The following GPRIN3 variants were observed in gnomAD, a reference collection of about 807,000 sequenced individuals.
GPRIN3 encodes G protein-regulated inducer of neurite outgrowth 3.
Under a neutral mutation model 13.7 loss-of-function variants are expected in GPRIN3, and 12 were observed. That is an observed-to-expected ratio of 0.87 (90% confidence interval 0.56 to 1.42). GPRIN3 has a LOEUF of 1.42. Ranked by LOEUF, GPRIN3 falls within the 40% of genes most tolerant of loss-of-function variation. The pLI, the probability that GPRIN3 is intolerant of heterozygous loss-of-function variation, is 0.00. For missense variants in GPRIN3, 1,009 were observed against 958.7 expected, an observed-to-expected ratio of 1.05 and a Z score of -0.69; for synonymous variants, 377 against 372.7, an observed-to-expected ratio of 1.01 and a Z score of -0.13.
rs1335863881 is a variant in GPRIN3 at position 89,240,340 on chromosome 4, A to T, written c.*7440T>A. 6.6e-6 allele frequency: 1 copy of T among 152,068 alleles called. No individual in the cohort carries two copies. The highest frequency in any genetic ancestry group is 1.5e-5 in the Non-Finnish European group (1 of 68,012). 9.4% of individuals were successfully genotyped at this position (152,068 alleles called of 1,614,324 possible). A position where few individuals can be genotyped will look rare whatever the true frequency, so the allele number is the denominator to read the frequency against. Reference sequence around the variant, plus strand: ...GCTCATATCCTATTATCTCACCAACATCATCTGCAATTTTTTTTCATTTAA... The same window carrying T: ...GCTCATATCCTATTATCTCACCAACTTCATCTGCAATTTTTTTTCATTTAA... On this transcript the variant is annotated 3_prime_UTR_variant, in exon 2 of 2. Transcript: ENST00000609438.
chr4:89,250,653 A>G (rs1723302885), intron 1 of GPRIN3: 1 of 152,240 alleles, frequency 6.6e-6, no homozygotes, highest in Admixed American at 6.5e-5. Flanking sequence ...TAAGAAATCT[A>G]GGGATAGATC....
At chr4:89,287,182 A>C (rs1724446079) in intron 1 of GPRIN3, among the ~76,000 whole-genome samples, 1 of 152,190 alleles carries the variant, frequency 6.6e-6, no homozygotes, top group African/African-American at 2.4e-5. Flanking sequence ...TCCAAAACTA[A>C]ATATTTCAGG....
intron 1 of GPRIN3, among the ~76,000 whole-genome samples, chr4:89,296,280 G>T (rs1487523216): frequency 1.3e-5 from 2 of 152,030 alleles, no homozygotes; most frequent in African/African-American, 4.8e-5. Context: ...AAAATCAATT[G>T]CTAATTAAGG....
intron 1 of GPRIN3, among the ~76,000 whole-genome samples, chr4:89,258,687 G>GGTC (rs1228683074): frequency 1.3e-5 from 2 of 152,162 alleles, no homozygotes; most frequent in Non-Finnish European, 2.9e-5. Flanking sequence ...CTCACATGAG[G>GGTC]GTCGTATGAC....
rs192375595 is a variant in GPRIN3, at chr4:89,267,072, C to G, written c.-123-16839G>C. 1.7e-4 allele frequency among the ~76,000 whole-genome samples: 26 copies of G among 152,216 alleles called. 1 individual carries two copies. Among genetic ancestry groups the G allele is most frequent in the Admixed American group, 1.6e-3 (25 of 15,276 alleles). Reference sequence around the variant, plus strand: ...GTGGGGTTATGGGTGATTTTTAAAACTATTCTTTTGTATTTGAAAAACTCT... The same window carrying G: ...GTGGGGTTATGGGTGATTTTTAAAAGTATTCTTTTGTATTTGAAAAACTCT... On this transcript the variant is annotated intron_variant, in intron 1 of 1. Coordinates refer to ENST00000609438, the MANE Select transcript of GPRIN3 (RefSeq NM_198281.3).
chr4:89,271,891 T>A (rs1723961504), intron 1 of GPRIN3, among the ~76,000 whole-genome samples: 1 of 152,150 alleles, frequency 6.6e-6, no homozygotes, highest in Non-Finnish European at 1.5e-5. Flanking sequence ...TGATGATTAT[T>A]TGGAGGTGGG....
chr4:89,249,956 G>T lies in GPRIN3; in HGVS notation c.155C>A (p.Ala52Glu), dbSNP rs144483987. The change falls in exon 2 of 2, where the codon GCA (alanine) becomes GAA (glutamate). Residue 52 changes from alanine to glutamate, a missense_variant. Physicochemically the swap from Ala to Glu is moderately radical, Grantham distance 107 (BLOSUM62 -1). Coordinates refer to ENST00000609438, the MANE Select transcript of GPRIN3 (RefSeq NM_198281.3). ...TGCCCTGGGGCTGAGGTCTGGTTCT[G>T]CAGGGGCACCTGAAAAGCCATTGGC... ...KNANGFSGAPAEPDLSPRAAA... is the reference protein window; with the variant it reads ...KNANGFSGAPEEPDLSPRAAA... 44 of 1,614,118 alleles carry T rather than the reference G, an allele frequency of 2.7e-5. No individual in the cohort carries two copies. The African/African-American group carries it at 5.6e-4, about 21-fold the overall frequency.
At chr4:89,281,771 A>G (rs1467786374) in intron 1 of GPRIN3, among the ~76,000 whole-genome samples, 1 of 152,160 alleles carries the variant, frequency 6.6e-6, no homozygotes, top group African/African-American at 2.4e-5. Flanking sequence ...TGGCCACTCT[A>G]GGAAACTAAA....
At position 89,270,580 on chromosome 4, in the gene GPRIN3, TATATATATATATATATATATAA is replaced by T. The variant is rs1346748657; in HGVS notation, c.-123-20369_-123-20348del. 2.8e-3 allele frequency among the ~76,000 whole-genome samples: 292 copies of T among 103,086 alleles called. 12 individuals are homozygous for T. In the South Asian group the frequency reaches 0.078, roughly 28 times the overall value. The allele number at this position is 103,086 out of a possible 152,430, so 67.6% of individuals were successfully genotyped here. A position where few individuals can be genotyped will look rare whatever the true frequency, so the allele number is the denominator to read the frequency against. On this transcript the variant is annotated intron_variant, in intron 1 of 1. Coordinates refer to ENST00000609438, the MANE Select transcript of GPRIN3 (RefSeq NM_198281.3). Reference sequence around the variant, plus strand: ...TGTATATAATTTATATATATATATATATATATATATATATATATATAAAATATAGATATATATGCAGCCTCAA... The same window carrying T: ...TGTATATAATTTATATATATATATATAATATAGATATATATGCAGCCTCAA...
Position 89,244,693 on chromosome 4 carries a change from C to T in GPRIN3, c.*3087G>A, listed in dbSNP as rs1450311619. On this transcript the variant is annotated 3_prime_UTR_variant, in exon 2 of 2. Transcript: ENST00000609438. ...TGGTCATAAAAACAGAACAATCAAT[C>T]TTTAAATTAAAAATTTTAGTATTCA... The T allele has an allele frequency of 1.3e-5, 2 of 152,266 alleles. No homozygotes were observed. Among genetic ancestry groups the T allele is most frequent in the East Asian group, 1.9e-4 (1 of 5,186 alleles). 9.4% of individuals were successfully genotyped at this position (152,266 alleles called of 1,614,324 possible).
rs1723176248 is a variant in GPRIN3 at position 89,248,317 on chromosome 4, C to G, written c.1794G>C (p.Gln598His). Reference sequence around the variant, plus strand: ...GGCTCAGGCTGGTGGCTGTCTTGGTCTGTCTGTTTTCTTCTAAGGTGCTCT... The same window carrying G: ...GGCTCAGGCTGGTGGCTGTCTTGGTGTGTCTGTTTTCTTCTAAGGTGCTCT... ...NQESTLEENRQTKTATSLSLP... is the reference protein window; with the variant it reads ...NQESTLEENRHTKTATSLSLP... Residue 598 changes from glutamine to histidine, a missense_variant, in exon 2 of 2, where the codon CAG becomes CAC. Transcript: ENST00000609438. 1 of 1,614,124 alleles carries G rather than the reference C, an allele frequency of 6.2e-7. No homozygotes were observed. The highest frequency in any genetic ancestry group is 8.5e-7 in the Non-Finnish European group (1 of 1,180,016).
chr4:89,277,318 G>T (rs574008977), intron 1 of GPRIN3, among the ~76,000 whole-genome samples: 1 of 152,202 alleles, frequency 6.6e-6, no homozygotes, highest in Non-Finnish European at 1.5e-5. Context: ...GTGATGTGCA[G>T]GAGTGGAATG....
intron 1 of GPRIN3, among the ~76,000 whole-genome samples, chr4:89,272,973 A>C (rs1724000319): frequency 6.6e-6 from 1 of 152,204 alleles, no homozygotes; most frequent in Admixed American, 6.5e-5. Flanking sequence ...TAGCACATAG[A>C]GCTTTAGAAG....
intron 1 of GPRIN3, among the ~76,000 whole-genome samples, chr4:89,289,764 A>C (rs1338234884): frequency 6.6e-6 from 1 of 152,080 alleles, no homozygotes; most frequent in East Asian, 1.9e-4. Context: ...CCACTCCTCC[A>C]ATGCAGCTTA....
intron 1 of GPRIN3, among the ~76,000 whole-genome samples, chr4:89,277,408 T>TAAG: frequency 6.6e-6 from 1 of 152,198 alleles, no homozygotes; most frequent in South Asian, 2.1e-4. Flanking sequence ...AAAGCAGGAC[T>TAAG]GAATGTTTCC....
At position 89,249,455 on chromosome 4, in the gene GPRIN3, G is replaced by C; in HGVS notation, c.656C>G (p.Pro219Arg). ...VSHSSSPVGG[P>R]EGERQGAICD... ...GATGGCTCCCTGCCTTTCCCCTTCA[G>C]GTCCACCTACAGGAGAGGATGAGTG... Residue 219 changes from proline to arginine, a missense_variant, in exon 2 of 2, where the codon CCT becomes CGT. Transcript: ENST00000609438. 1 of 1,614,066 alleles carries C rather than the reference G, an allele frequency of 6.2e-7. No homozygotes were observed. The highest frequency in any genetic ancestry group is 2.2e-5 in the East Asian group (1 of 44,864).
At chr4:89,299,909 T>C (rs1724847828) in intron 1 of GPRIN3, among the ~76,000 whole-genome samples, 2 of 152,114 alleles carry the variant, frequency 1.3e-5, no homozygotes, top group Admixed American at 1.3e-4. Flanking sequence ...CAATGTGAGA[T>C]CTCAGTCATT....
chr4:89,248,388 C>G lies in GPRIN3; in HGVS notation c.1723G>C (p.Glu575Gln), dbSNP rs1364543751. ...NPKSQESGGTESAANPTPSPI... is the reference protein window; with the variant it reads ...NPKSQESGGTQSAANPTPSPI... Reference sequence around the variant, plus strand: ...GAGGGTGTAGGATTAGCAGCTGATTCTGTGCCTCCACTTTCTTGGGATTTA... The same window carrying G: ...GAGGGTGTAGGATTAGCAGCTGATTGTGTGCCTCCACTTTCTTGGGATTTA... The change falls in exon 2 of 2, where the codon GAA (glutamate) becomes CAA (glutamine). Residue 575 changes from glutamate to glutamine, a missense_variant. Glu to Gln is a conservative substitution (Grantham distance 29). Coordinates refer to ENST00000609438, the MANE Select transcript of GPRIN3 (RefSeq NM_198281.3). 2 of 1,614,046 alleles carry G rather than the reference C, an allele frequency of 1.2e-6. No homozygotes were observed. Among genetic ancestry groups the G allele is most frequent in the South Asian group, 1.1e-5 (1 of 91,090 alleles).
intron 1 of GPRIN3, among the ~76,000 whole-genome samples, chr4:89,278,587 GAATTTATTAGAATAAC>G (rs1408659332): frequency 6.6e-6 from 1 of 152,140 alleles, no homozygotes; most frequent in Non-Finnish European, 1.5e-5. Flanking sequence ...CAGACAAGAA[GAATTTATTAGAATAAC>G]AATAACCAGC....
Sources: gnomAD v4.1 joint callset for allele counts (sites outside exome capture counted in the v4.1 genomes callset) on GRCh38, gnomAD v4.1.1 for gene constraint, MANE v1.5 for transcripts, NCBI Gene and HGNC (gene_info 2026-07-23, HGNC 2026-07-21) for gene names.